CADPS2: variants seen among roughly 807,000 people sequenced by gnomAD.
The protein encoded by CADPS2 is calcium dependent secretion activator 2.
A neutral mutation model predicts 172.5 loss-of-function variants in CADPS2; 93 were observed. The observed-to-expected ratio is 0.54, with a 90% confidence interval of 0.46 to 0.64. The LOEUF is 0.64. Ranked by LOEUF, CADPS2 falls within the 30% of genes least tolerant of loss-of-function variation. The pLI, the probability that CADPS2 is intolerant of heterozygous loss-of-function variation, is 0.00. For synonymous variants in CADPS2, 546 were observed against 555.2 expected, an observed-to-expected ratio of 0.98 and a Z score of 0.23; for missense variants, 1,420 against 1,565.9, an observed-to-expected ratio of 0.91 and a Z score of 1.57.
chr7:122,382,809 A>C (rs2043181493), intron 24 of CADPS2, among the ~76,000 whole-genome samples: 1 of 152,004 alleles, frequency 6.6e-6, no homozygotes, highest in Admixed American at 6.6e-5. Context: ...AGAAGGAGAC[A>C]AAAAAAGAAA....
chr7:122,366,797 T>C (rs1021313268), intron 25 of CADPS2: 6 of 150,706 alleles, frequency 4.0e-5, no homozygotes, highest in African/African-American at 1.5e-4. Flanking sequence ...AAACTACTTA[T>C]TTGAAGCTTT....
At chr7:122,420,232 GAAT>G (rs1169540642) in intron 17 of CADPS2, among the ~76,000 whole-genome samples, 5 of 152,080 alleles carry the variant, frequency 3.3e-5, no homozygotes, top group Non-Finnish European at 7.4e-5. Context: ...CACAAGTATG[GAAT>G]AATAGAAAGG....
intron 16 of CADPS2, among the ~76,000 whole-genome samples, chr7:122,439,775 A>G (rs967139996): frequency 6.6e-6 from 1 of 152,178 alleles, no homozygotes; most frequent in Non-Finnish European, 1.5e-5. Flanking sequence ...AAAAATATAC[A>G]TGCACCATTA....
At chr7:122,443,632 G>A (rs1586091381) in intron 15 of CADPS2, among the ~76,000 whole-genome samples, 1 of 128,260 alleles carries the variant, frequency 7.8e-6, no homozygotes, top group African/African-American at 3.0e-5. Context: ...ATAGTTTAAA[G>A]AGGAAACTTC....
At chr7:122,427,113 A>G (rs189453375) in intron 17 of CADPS2, 27 of 137,004 alleles carry the variant, frequency 2.0e-4, no homozygotes, top group African/African-American at 7.3e-4. Context: ...AAGACATTAC[A>G]TAAATGCCGT....
intron 1 of CADPS2, among the ~76,000 whole-genome samples, chr7:122,834,263 A>G (rs1807542158): frequency 6.6e-6 from 1 of 152,224 alleles, no homozygotes; most frequent in Admixed American, 6.5e-5. Context: ...TACCCTAAAT[A>G]CAGAGTTGAA....
At chr7:122,633,961 TG>T (rs1407575487) in intron 3 of CADPS2, among the ~76,000 whole-genome samples, 1 of 152,202 alleles carries the variant, frequency 6.6e-6, no homozygotes, top group Non-Finnish European at 1.5e-5. Context: ...TTTTTAATTT[TG>T]GTTCTGTTTA....
intron 1 of CADPS2, among the ~76,000 whole-genome samples, chr7:122,842,667 T>C (rs931463113): frequency 1.2e-4 from 18 of 152,182 alleles, no homozygotes; most frequent in African/African-American, 3.6e-4. Flanking sequence ...GTTAGAGTTA[T>C]AAGCATGTGA....
In CADPS2 at chr7:122,541,016, G is replaced by T. The variant is rs55957650; in HGVS notation, c.1475+13534C>A. 7.8e-3 allele frequency among the ~76,000 whole-genome samples: 1,180 copies of T among 151,818 alleles called. 16 individuals are homozygous for T. Among genetic ancestry groups the T allele is most frequent in the African/African-American group, 0.028 (1,141 of 41,390 alleles). On this transcript the variant is annotated intron_variant, in intron 8 of 29. Coordinates refer to ENST00000449022, the MANE Select transcript of CADPS2 (RefSeq NM_017954.11). Reference sequence around the variant, plus strand: ...AATGCTGGCAGAAAATGTTAGTGTTGGAAATAGAAAATGTCTAAAATTACT... The same window carrying T: ...AATGCTGGCAGAAAATGTTAGTGTTTGAAATAGAAAATGTCTAAAATTACT...
chr7:122,589,444 T>A (rs1446780416), intron 6 of CADPS2, among the ~76,000 whole-genome samples: 1 of 151,882 alleles, frequency 6.6e-6, no homozygotes, highest in Non-Finnish European at 1.5e-5. Context: ...ATTAAGGCAG[T>A]CTTGTGGAAA....
chr7:122,594,425 C>T (rs1040057381), intron 6 of CADPS2, among the ~76,000 whole-genome samples: 1 of 151,916 alleles, frequency 6.6e-6, no homozygotes, highest in African/African-American at 2.4e-5. Flanking sequence ...TCCTTATTGT[C>T]TCATAGAAGT....
chr7:122,782,057 A>G (rs1258134435), intron 1 of CADPS2, among the ~76,000 whole-genome samples: 1 of 152,132 alleles, frequency 6.6e-6, no homozygotes, highest in Non-Finnish European at 1.5e-5. Flanking sequence ...ATTTCTCACT[A>G]TTTTACAGTT....
At chr7:122,673,085 C>T (rs1482573021) in intron 2 of CADPS2, among the ~76,000 whole-genome samples, 1 of 152,178 alleles carries the variant, frequency 6.6e-6, no homozygotes, top group Non-Finnish European at 1.5e-5. Context: ...CTGGTGGGTT[C>T]GTGGTCTTGC....
At chr7:122,531,733 T>TA (rs1409179449) in intron 8 of CADPS2, among the ~76,000 whole-genome samples, 1 of 152,022 alleles carries the variant, frequency 6.6e-6, no homozygotes, top group African/African-American at 2.4e-5. Context: ...AGAGATGTTT[T>TA]AAAAAATACT....
At chr7:122,735,424 C>G (rs189483217) in intron 2 of CADPS2, among the ~76,000 whole-genome samples, 1 of 152,196 alleles carries the variant, frequency 6.6e-6, no homozygotes, top group Non-Finnish European at 1.5e-5. Context: ...AGAACATAAT[C>G]CTCATGTAGA....
At chr7:122,842,027 T>C (rs1810673519) in intron 1 of CADPS2, among the ~76,000 whole-genome samples, 1 of 152,312 alleles carries the variant, frequency 6.6e-6, no homozygotes, top group South Asian at 2.1e-4. Flanking sequence ...TAGCAGCAGC[T>C]GAGTTGTTAC....
At chr7:122,739,772 A>G (rs1406062719) in intron 1 of CADPS2, among the ~76,000 whole-genome samples, 1 of 152,212 alleles carries the variant, frequency 6.6e-6, no homozygotes, top group Non-Finnish European at 1.5e-5. Context: ...CTTAAAATCT[A>G]GCACTGGGGA....
chr7:122,744,439 C>T (rs773355326), intron 1 of CADPS2, among the ~76,000 whole-genome samples: 5 of 152,098 alleles, frequency 3.3e-5, no homozygotes, highest in Non-Finnish European at 7.3e-5. Flanking sequence ...ATGGTACTAT[C>T]GTGTGTTTTT....
intron 8 of CADPS2, among the ~76,000 whole-genome samples, chr7:122,521,191 G>A (rs555885345): frequency 6.6e-6 from 1 of 152,180 alleles, no homozygotes; most frequent in African/African-American, 2.4e-5. Flanking sequence ...TGGGCCATTC[G>A]GATAGAGTTC....
Sources: gnomAD v4.1 joint callset for allele counts (sites outside exome capture counted in the v4.1 genomes callset) on GRCh38, gnomAD v4.1.1 for gene constraint, MANE v1.5 for transcripts, NCBI Gene and HGNC (gene_info 2026-07-23, HGNC 2026-07-21) for gene names.